Variants in WDR35 observed in about 807,000 individuals in gnomAD.
WDR35 encodes WD repeat-containing protein 35.
Under a neutral mutation model 158.3 loss-of-function variants are expected in WDR35, and 118 were observed. That is an observed-to-expected ratio of 0.75 (90% CI 0.64 to 0.87). The LOEUF (loss-of-function observed/expected upper bound fraction) is 0.87, where lower values mean the gene tolerates loss of function less well. Among genes scored for constraint, WDR35 ranks in the 40% least tolerant of loss-of-function variants. WDR35 has a pLI of 0.00. For synonymous variants in WDR35, 448 were observed against 476.1 expected, an observed-to-expected ratio of 0.94 and a Z score of 0.77; for missense variants, 1,263 against 1,405.8, an observed-to-expected ratio of 0.90 and a Z score of 1.62.
chr2:19,959,632 A>G (rs940523687), intron 11 of WDR35, among the ~76,000 whole-genome samples: 26 of 152,012 alleles, frequency 1.7e-4, no homozygotes, highest in Admixed American at 2.6e-4. Flanking sequence ...ATTATTTCTC[A>G]TATTTGCTAT....
chr2:19,985,584 A>G (rs996478033), intron 2 of WDR35, among the ~76,000 whole-genome samples: 1 of 150,320 alleles, frequency 6.7e-6, no homozygotes, highest in Non-Finnish European at 1.5e-5. Context: ...TCCCTTTAAA[A>G]AAAAAAAAAA....
chr2:19,953,705 A>G, intron 12 of WDR35, 129 bp downstream of exon 12: 1 of 1,222,468 alleles, frequency 8.2e-7, no homozygotes, highest in Non-Finnish European at 1.2e-6. Flanking sequence ...AAAGATAATC[A>G]AATTAATTGA....
At chr2:19,913,860 T>C (rs1669909155) in intron 26 of WDR35, 152 bp from the exon 27 acceptor site, 1 of 1,417,458 alleles carries the variant, frequency 7.1e-7, no homozygotes, top group Non-Finnish European at 9.5e-7. Context: ...AAAAAACCTT[T>C]CTTACAATGA....
Position 19,987,894 on chromosome 2 carries a change from A to ATC in WDR35, c.142+1270_142+1271insGA, listed in dbSNP as rs1451180316. Among the ~76,000 whole-genome samples, 17 of 151,840 alleles carry ATC rather than the reference A, an allele frequency of 1.1e-4. No individual in the cohort carries two copies. The South Asian group carries it at 2.3e-3, about 20-fold the overall frequency. On this transcript the variant is annotated intron_variant, in intron 2 of 26. Transcript: ENST00000281405. ...AGTATGTATATACAGACACACATATATATATATACACACGTATATATATAT... is the reference window on the plus strand; with the variant it reads ...AGTATGTATATACAGACACACATATATCTATATATACACACGTATATATATAT...
At chr2:19,975,398 G>GA (rs893697657) in intron 6 of WDR35, 132 bp downstream of exon 6, 84 of 1,173,744 alleles carry the variant, frequency 7.2e-5, no homozygotes, top group African/African-American at 5.2e-4. Context: ...TTGGGAAAAA[G>GA]AAAAAAAATC....
chr2:19,930,563 A>G lies in WDR35; in HGVS notation c.2965-11T>C. Reference sequence around the variant, plus strand: ...CAAGGCAGAAGTGGCCTACGAGTAAAGTCAGCCCACACTTTCCGTCAGCAC... The same window carrying G: ...CAAGGCAGAAGTGGCCTACGAGTAAGGTCAGCCCACACTTTCCGTCAGCAC... On this transcript the variant is annotated splice_polypyrimidine_tract_variant and intron_variant, in intron 24 of 26. Transcript: ENST00000281405. 6.2e-7 allele frequency: 1 copy of G among 1,613,936 alleles called. No homozygotes were observed. The highest frequency in any genetic ancestry group is 8.5e-7 in the Non-Finnish European group (1 of 1,180,020).
At chr2:19,947,628 G>A (rs1463427183) in intron 14 of WDR35, among the ~76,000 whole-genome samples, 6 of 152,084 alleles carry the variant, frequency 3.9e-5, no homozygotes, top group East Asian at 1.9e-4. Context: ...ATGTTACCTC[G>A]TCATTCTAAG....
intron 25 of WDR35, among the ~76,000 whole-genome samples, chr2:19,917,509 C>T (rs1033765213): frequency 9.9e-5 from 15 of 152,080 alleles, no homozygotes; most frequent in African/African-American, 2.7e-4. Context: ...AAAGGTTAGA[C>T]GAATTGCTAA....
chr2:19,989,066 T>C, intron 2 of WDR35, 99 bp downstream of exon 2: 2 of 1,063,200 alleles, frequency 1.9e-6, no homozygotes. Flanking sequence ...CCCTTTAAAA[T>C]AATCAGAACT....
chr2:19,969,402 C>T, intron 9 of WDR35, 78 bp downstream of exon 9: 2 of 1,482,110 alleles, frequency 1.3e-6, no homozygotes, highest in Non-Finnish European at 1.8e-6. Flanking sequence ...AACAAGACAG[C>T]TTTGAATATA....
chr2:19,938,344 C>G lies in WDR35; in HGVS notation c.1984G>C (p.Asp662His). ...ACCTTCTCAATCAGTGCTCGGCTAT[C>G]TCGCAGAGACCGAATCTCAAAGTTA... is the stretch of plus-strand genomic sequence containing the variant. ...LINFEIRSLR[D>H]SRALIEKVGI... The change falls in exon 18 of 27, where the codon GAT becomes CAT. Residue 662 changes from aspartate (D) to histidine (H), a missense_variant. Coordinates refer to ENST00000281405, the MANE Select transcript of WDR35 (RefSeq NM_020779.4). 2 of 1,614,036 alleles carry G rather than the reference C, an allele frequency of 1.2e-6. No individual in the cohort carries two copies. Among genetic ancestry groups the G allele is most frequent in the South Asian group, 2.2e-5 (2 of 91,072 alleles).
chr2:19,973,942 T>C (rs1044992543), intron 7 of WDR35, among the ~76,000 whole-genome samples: 1 of 151,082 alleles, frequency 6.6e-6, no homozygotes, highest in Non-Finnish European at 1.5e-5. Context: ...ACCCTGTCTC[T>C]ACGAAAAATA....
chr2:19,982,745 T>C (rs1672424191), intron 2 of WDR35, among the ~76,000 whole-genome samples: 3 of 152,352 alleles, frequency 2.0e-5, no homozygotes, highest in East Asian at 3.9e-4. Flanking sequence ...TAAATGAAGA[T>C]TGTTTACTCA....
rs34169020 is a variant in WDR35 at position 19,975,551 on chromosome 2, G to A, written c.549C>T (p.Tyr183=). Residue 183 remains tyrosine (Y), a synonymous_variant, in exon 6 of 27, where the codon TAC becomes TAT. Transcript: ENST00000281405. ...FGMANGEIHI[Y]DNQGNFMIKM... is the part of the protein sequence containing the mutation. ...TTACCATAAAATTTCCTTGATTATC[G>A]TAAATGTGTATTTCCCCATTTGCCA... 57,935 of 1,612,960 alleles carry A rather than the reference G, an allele frequency of 0.036. 2,051 individuals are homozygous for A. The highest frequency in any genetic ancestry group is 0.23 in the East Asian group (10,171 of 44,810).
Position 19,982,452 on chromosome 2 carries a change from G to C in WDR35, c.214+11C>G. ...ACTCAAACATGACTTAAAAGAAATT[G>C]AATGACTCACCACTATGACCTTCAA... On this transcript the variant is annotated intron_variant, in intron 3 of 26. Transcript: ENST00000281405. The C allele has an allele frequency of 6.2e-7, 1 of 1,612,780 alleles. No individual in the cohort carries two copies. Among genetic ancestry groups the C allele is most frequent in the Middle Eastern group, 1.7e-4 (1 of 6,054 alleles).
chr2:19,948,309 A>G (rs1671123319), intron 13 of WDR35, 92 bp from the exon 14 acceptor site: 1 of 1,201,510 alleles, frequency 8.3e-7, no homozygotes, highest in Non-Finnish European at 1.2e-6. Flanking sequence ...TAAGCAGTCA[A>G]TATTTCTTAA....
chr2:19,933,342 C>T, intron 22 of WDR35, 59 bp downstream of exon 22: 1 of 1,434,534 alleles, frequency 7.0e-7, no homozygotes, highest in Non-Finnish European at 9.8e-7. Context: ...TTTAACCTTG[C>T]TTTGACTTAA....
intron 2 of WDR35, among the ~76,000 whole-genome samples, chr2:19,988,319 G>C (rs1432262234): frequency 1.3e-5 from 2 of 152,190 alleles, no homozygotes; most frequent in Admixed American, 6.5e-5. Context: ...GCTATTCAAA[G>C]TGCGGTCTGA....
intron 10 of WDR35, chr2:19,962,261 G>T: frequency 6.2e-7 from 1 of 1,611,606 alleles, no homozygotes; most frequent in South Asian, 1.1e-5. Context: ...TTTATCCTAT[G>T]ATCAGCTATA....
Sources: allele counts gnomAD v4.1 joint callset (sites outside exome capture counted in the v4.1 genomes callset), GRCh38; gene constraint gnomAD v4.1.1; transcripts MANE v1.5; gene names NCBI Gene and HGNC (gene_info 2026-07-23, HGNC 2026-07-21).